Variants in RBL2 observed in about 807,000 individuals in gnomAD.
The protein encoded by RBL2 is RB transcriptional corepressor like 2.
A neutral mutation model predicts 126.0 loss-of-function variants in RBL2; 56 were observed. The observed-to-expected ratio is 0.44, with a 90% confidence interval of 0.36 to 0.56. The LOEUF is 0.56. RBL2 is among the 20% of genes least tolerant of loss of function. RBL2 has a pLI of 0.00. For missense variants in RBL2, 1,229 were observed against 1,398.2 expected (o/e 0.88, Z 1.93); for synonymous variants, 454 against 478.5 (o/e 0.95, Z 0.67).
At chr16:53,438,184 G>T (rs543891495) in intron 1 of RBL2, among the ~76,000 whole-genome samples, 141 of 152,130 alleles carry the variant, frequency 9.3e-4, no homozygotes, top group Non-Finnish European at 1.7e-3. Context: ...TGGATGTCAT[G>T]TTTCTGCGTC....
At chr16:53,460,872 CA>C (rs1298543967) in intron 9 of RBL2, among the ~76,000 whole-genome samples, 1 of 151,980 alleles carries the variant, frequency 6.6e-6, no homozygotes, top group African/African-American at 2.4e-5. Context: ...ACAGTTGTTA[CA>C]AAAAGCTTAC....
At chr16:53,485,669 CG>C (rs1567749486) in intron 21 of RBL2, among the ~76,000 whole-genome samples, 1 of 151,130 alleles carries the variant, frequency 6.6e-6, no homozygotes. Context: ...AGCCTGGTAA[CG>C]TGGCAAGACC....
At position 53,480,586 on chromosome 16, in the gene RBL2, A is replaced by G. The variant is rs1960903029; in HGVS notation, c.2901A>G (p.Pro967=). 1.9e-6 allele frequency: 3 copies of G among 1,613,838 alleles called. No homozygotes were observed. The highest frequency in any genetic ancestry group is 1.3e-5 in the African/African-American group (1 of 75,020). ...NKDRTSRDSS[P]VMRSSSTLPV... is the part of the protein sequence containing the mutation. ...CTGCAGCCAGTAGAGACTCCAGTCCAGTTATGAGGTCAAGCAGCACCTTGC... is the reference window on the plus strand; with the variant it reads ...CTGCAGCCAGTAGAGACTCCAGTCCGGTTATGAGGTCAAGCAGCACCTTGC... The change falls in exon 20 of 22, where the codon CCA becomes CCG. Residue 967 remains proline (P), a synonymous_variant. Transcript: ENST00000262133.
chr16:53,443,406 C>G (rs571536887), intron 3 of RBL2: 13 of 152,232 alleles, frequency 8.5e-5, no homozygotes, highest in Admixed American at 7.2e-4. Context: ...TTATGTCAAA[C>G]TGAGTAATAA....
At chr16:53,437,556 AATT>A (rs963027627) in intron 1 of RBL2, among the ~76,000 whole-genome samples, 3 of 152,180 alleles carry the variant, frequency 2.0e-5, no homozygotes, top group South Asian at 2.1e-4. Flanking sequence ...ATGCCTTAAA[AATT>A]ATTATTTTTG....
At chr16:53,464,412 C>T (rs1315174349) in intron 12 of RBL2, 49 bp downstream of exon 12, 2 of 1,427,832 alleles carry the variant, frequency 1.4e-6, no homozygotes, top group African/African-American at 2.9e-5. Context: ...ATGAGACCAA[C>T]TTCCTGTTGT....
chr16:53,484,944 A>C (rs1175994803), intron 21 of RBL2, among the ~76,000 whole-genome samples: 1 of 152,202 alleles, frequency 6.6e-6, no homozygotes, highest in African/African-American at 2.4e-5. Flanking sequence ...TTCAGAGCAA[A>C]AAATATTATC....
intron 5 of RBL2, 107 bp downstream of exon 5, chr16:53,451,938 A>T: frequency 7.8e-7 from 1 of 1,283,360 alleles, no homozygotes; most frequent in Admixed American, 1.9e-5. Context: ...AGCTCCTGTC[A>T]TTACGGCTAT....
In RBL2 at chr16:53,462,621, A is replaced by C. The variant is rs1184851692; in HGVS notation, c.1526A>C (p.Gln509Pro). 5 of 1,573,240 alleles carry C rather than the reference A, an allele frequency of 3.2e-6. No individual in the cohort carries two copies. The highest frequency in any genetic ancestry group is 2.4e-5 in the South Asian group (2 of 83,436). The change falls in exon 11 of 22, where the codon CAG becomes CCG. Residue 509 changes from glutamine (Q) to proline (P), a missense_variant. Coordinates refer to ENST00000262133, the MANE Select transcript of RBL2 (RefSeq NM_005611.4). ...YYKVLESVIE[Q>P]EQKRLGDMDL... is the part of the protein sequence containing the mutation. The stretch of plus-strand genomic sequence containing the variant: ...AAAGTATTAGAATCTGTTATTGAGC[A>C]GGAACAAAAAAGACTAGGAGACATG...
At chr16:53,440,901 GT>G (rs1173549712) in intron 2 of RBL2, among the ~76,000 whole-genome samples, 1 of 145,912 alleles carries the variant, frequency 6.9e-6, no homozygotes. Context: ...GGTATACCAA[GT>G]TTGGTCACTG....
intron 20 of RBL2, chr16:53,480,988 G>A (rs1960923998): frequency 2.5e-6 from 1 of 405,036 alleles, no homozygotes; most frequent in Non-Finnish European, 4.5e-6. Flanking sequence ...GTAAAACCCA[G>A]TCTCTACTAA....
chr16:53,477,881 T>C lies in RBL2; in HGVS notation c.2704-1273T>C, dbSNP rs1481990799. On this transcript the variant is annotated intron_variant, in intron 17 of 21. Transcript: ENST00000262133. ...TACTGTATTTACGATTACATAATTATCTTTACCAGTGCTCTTGGCTTTCTT... is the reference window on the plus strand; with the variant it reads ...TACTGTATTTACGATTACATAATTACCTTTACCAGTGCTCTTGGCTTTCTT... Among the ~76,000 whole-genome samples the C allele has an allele frequency of 3.3e-5, 5 of 152,332 alleles. No individual in the cohort carries two copies. In the South Asian group the frequency reaches 6.2e-4, roughly 19 times the overall value.
intron 1 of RBL2, among the ~76,000 whole-genome samples, chr16:53,438,573 G>T (rs982069467): frequency 4.6e-5 from 7 of 152,124 alleles, no homozygotes; most frequent in African/African-American, 1.7e-4. Context: ...GCTGGGTACA[G>T]TGGCTCACAC....
intron 3 of RBL2, among the ~76,000 whole-genome samples, chr16:53,445,439 C>T (rs2058053267): frequency 6.6e-6 from 1 of 151,944 alleles, no homozygotes; most frequent in Admixed American, 6.6e-5. Context: ...ATAGCACTTA[C>T]TGAGCATTTA....
At chr16:53,439,381 A>G (rs770764235) in intron 2 of RBL2, among the ~76,000 whole-genome samples, 1 of 152,206 alleles carries the variant, frequency 6.6e-6, no homozygotes, top group Non-Finnish European at 1.5e-5. Context: ...AGGCACTTGT[A>G]TGGCAGAATT....
At position 53,490,291 on chromosome 16, in the gene RBL2, T is replaced by G; in HGVS notation, c.3411T>G (p.Gly1137=). Residue 1137 remains glycine, a synonymous_variant, in exon 22 of 22, where the codon GGT becomes GGG. Coordinates refer to ENST00000262133, the MANE Select transcript of RBL2 (RefSeq NM_005611.4). ...TCCAAGATGTAGCTAATGACCGTGG[T>G]TCCCACTGAGGTTAGTCTCTTGTAT... is the stretch of plus-strand genomic sequence containing the variant. The part of the protein sequence containing the change: ...RRLQDVANDR[G]SH 1 of 1,608,318 alleles carries G rather than the reference T, an allele frequency of 6.2e-7. No individual in the cohort carries two copies. The highest frequency in any genetic ancestry group is 8.5e-7 in the Non-Finnish European group (1 of 1,176,744).
intron 11 of RBL2, among the ~76,000 whole-genome samples, chr16:53,463,561 C>CTTTTT (rs770657237): frequency 4.8e-4 from 45 of 94,378 alleles, no homozygotes; most frequent in African/African-American, 7.4e-4. Context: ...TTTTTTTTTC[C>CTTTTT]TTTTTTTTTT....
intron 3 of RBL2, among the ~76,000 whole-genome samples, chr16:53,443,795 T>C (rs1411674782): frequency 6.6e-6 from 1 of 151,330 alleles, no homozygotes; most frequent in Non-Finnish European, 1.5e-5. Flanking sequence ...ATGTTTACAT[T>C]AAGTGTAACC....
At chr16:53,466,580 G>A (rs2058274441) in intron 13 of RBL2, among the ~76,000 whole-genome samples, 1 of 151,874 alleles carries the variant, frequency 6.6e-6, no homozygotes, top group Non-Finnish European at 1.5e-5. Flanking sequence ...ATGCAACCTA[G>A]ATCCCTTATG....
Sources: gnomAD v4.1 joint callset for allele counts (sites outside exome capture counted in the v4.1 genomes callset) on GRCh38, gnomAD v4.1.1 for gene constraint, MANE v1.5 for transcripts, NCBI Gene and HGNC (gene_info 2026-07-23, HGNC 2026-07-21) for gene names.